Variants in CSMD3 observed in about 807,000 individuals in gnomAD.
CSMD3 encodes CUB and sushi domain-containing protein 3.
Under a neutral mutation model 435.2 loss-of-function variants are expected in CSMD3, and 177 were observed. That is an observed-to-expected ratio of 0.41 (90% CI 0.36 to 0.46). The LOEUF is 0.46. CSMD3 is among the 20% of genes least tolerant of loss of function. CSMD3 has a pLI of 0.34. For synonymous variants in CSMD3, 1,656 were observed against 1,520.5 expected (o/e 1.09, Z -2.07); for missense variants, 4,265 against 4,504.6 (o/e 0.95, Z 1.52).
Position 112,408,432 on chromosome 8 carries a change from A to G in CSMD3, c.5510-19T>C. The G allele has an allele frequency of 1.4e-6, 2 of 1,393,352 alleles. No homozygotes were observed. Among genetic ancestry groups the G allele is most frequent in the Non-Finnish European group, 2.0e-6 (2 of 979,608 alleles). The allele number at this position is 1,393,352 out of a possible 1,614,324, so 86.3% of individuals were successfully genotyped here. A position where few individuals can be genotyped will look rare whatever the true frequency, so the allele number is the denominator to read the frequency against. ...GATTCTCCTACTCAACAAAACAAAC[A>G]CTAAGATATCATAAATAATTTTCAT... On this transcript the variant is annotated intron_variant, in intron 33 of 70. Coordinates refer to ENST00000297405, the MANE Select transcript of CSMD3 (RefSeq NM_198123.2).
chr8:113,070,226 A>G (rs943887497), intron 5 of CSMD3, among the ~76,000 whole-genome samples: 1 of 152,098 alleles, frequency 6.6e-6, no homozygotes, highest in East Asian at 1.9e-4. Flanking sequence ...AAAATCAGTG[A>G]CTTGTACATA....
intron 66 of CSMD3, among the ~76,000 whole-genome samples, chr8:112,239,878 T>C (rs1218525936): frequency 1.3e-5 from 2 of 152,048 alleles, no homozygotes; most frequent in East Asian, 3.9e-4. Flanking sequence ...CGGTTGCCTG[T>C]TTTTATTATT....
At chr8:112,337,124 T>C (rs1824651327) in intron 43 of CSMD3, among the ~76,000 whole-genome samples, 1 of 152,176 alleles carries the variant, frequency 6.6e-6, no homozygotes, top group Non-Finnish European at 1.5e-5. Context: ...AGACTTTAAC[T>C]TTCATTTGCC....
At chr8:113,115,642 C>T (rs1312428561) in intron 4 of CSMD3, among the ~76,000 whole-genome samples, 1 of 152,122 alleles carries the variant, frequency 6.6e-6, no homozygotes, top group Non-Finnish European at 1.5e-5. Context: ...TATTAATTTT[C>T]ACTGTTTGAC....
chr8:113,417,785 G>C (rs1178926497), intron 1 of CSMD3, among the ~76,000 whole-genome samples: 1 of 151,840 alleles, frequency 6.6e-6, no homozygotes, highest in Admixed American at 6.6e-5. Context: ...ACAAGCTAAA[G>C]GAAATTAGAA....
chr8:112,787,812 G>C (rs1426200085), intron 13 of CSMD3, among the ~76,000 whole-genome samples: 1 of 152,118 alleles, frequency 6.6e-6, no homozygotes, highest in African/African-American at 2.4e-5. Flanking sequence ...GTGGTCGGGA[G>C]AGGAGGTATG....
chr8:113,066,434 A>C (rs917571326), intron 5 of CSMD3, among the ~76,000 whole-genome samples: 1 of 152,144 alleles, frequency 6.6e-6, no homozygotes, highest in Non-Finnish European at 1.5e-5. Flanking sequence ...GAATGATTAG[A>C]TCGACTACCT....
intron 3 of CSMD3, among the ~76,000 whole-genome samples, chr8:113,232,069 C>T (rs1440928440): frequency 6.6e-6 from 1 of 151,120 alleles, no homozygotes; most frequent in African/African-American, 2.4e-5. Context: ...GAATTTATAC[C>T]CTTGAAATTT....
intron 13 of CSMD3, among the ~76,000 whole-genome samples, chr8:112,722,890 T>C (rs2076888721): frequency 6.6e-6 from 1 of 152,122 alleles, no homozygotes; most frequent in African/African-American, 2.4e-5. Flanking sequence ...AGATCAAAAA[T>C]CACAAAATAT....
chr8:112,563,875 T>C (rs1828849034), intron 24 of CSMD3, among the ~76,000 whole-genome samples: 1 of 152,004 alleles, frequency 6.6e-6, no homozygotes, highest in South Asian at 2.1e-4. Context: ...TTTCTTTCCA[T>C]GTCCGATGGG....
intron 11 of CSMD3, among the ~76,000 whole-genome samples, chr8:112,852,149 C>T (rs1564025034): frequency 6.6e-6 from 1 of 152,036 alleles, no homozygotes; most frequent in South Asian, 2.1e-4. Context: ...AAGATCCCAA[C>T]CTAACAATGA....
chr8:112,417,362 T>C (rs1456823833), intron 32 of CSMD3, among the ~76,000 whole-genome samples: 1 of 152,180 alleles, frequency 6.6e-6, no homozygotes, highest in Non-Finnish European at 1.5e-5. Flanking sequence ...CCTCCTAGGA[T>C]TGATGTGAAT....
At chr8:112,507,243 T>C (rs1586551589) in intron 28 of CSMD3, among the ~76,000 whole-genome samples, 2 of 152,206 alleles carry the variant, frequency 1.3e-5, no homozygotes, top group African/African-American at 4.8e-5. Flanking sequence ...ATATAGCTTA[T>C]TTTCATGTCT....
At chr8:112,511,421 G>A (rs550645281) in intron 28 of CSMD3, among the ~76,000 whole-genome samples, 1 of 124,370 alleles carries the variant, frequency 8.0e-6, no homozygotes, top group Non-Finnish European at 1.6e-5. Context: ...ATGGAGTCTC[G>A]CTCTGTTGCC....
intron 35 of CSMD3, among the ~76,000 whole-genome samples, chr8:112,392,605 ATACTT>A (rs1447153652): frequency 2.0e-5 from 3 of 151,848 alleles, no homozygotes; most frequent in East Asian, 1.9e-4. Context: ...TGAAAAAAAA[ATACTT>A]TATAGATGCT....
chr8:112,230,069 G>A (rs1178445052), intron 69 of CSMD3, among the ~76,000 whole-genome samples: 3 of 152,244 alleles, frequency 2.0e-5, no homozygotes, highest in South Asian at 2.1e-4. Flanking sequence ...GATGGCATTC[G>A]CAGAGTTAGG....
At chr8:112,783,729 A>G (rs577450127) in intron 13 of CSMD3, among the ~76,000 whole-genome samples, 20 of 152,190 alleles carry the variant, frequency 1.3e-4, no homozygotes, top group Non-Finnish European at 2.8e-4. Context: ...ACATGGACTG[A>G]AAATACATGG....
At chr8:112,807,717 C>A (rs963643471) in intron 12 of CSMD3, among the ~76,000 whole-genome samples, 3 of 152,072 alleles carry the variant, frequency 2.0e-5, no homozygotes, top group Admixed American at 6.6e-5. Flanking sequence ...CAGAATGACA[C>A]AATTTTTAAT....
chr8:113,115,255 G>A (rs546924969), intron 4 of CSMD3, among the ~76,000 whole-genome samples: 9 of 152,320 alleles, frequency 5.9e-5, no homozygotes, highest in African/African-American at 2.2e-4. Flanking sequence ...TACATTAGCT[G>A]ACTAGGAGAA....
Sources: gnomAD v4.1 joint callset for allele counts (sites outside exome capture counted in the v4.1 genomes callset) on GRCh38, gnomAD v4.1.1 for gene constraint, MANE v1.5 for transcripts, NCBI Gene and HGNC (gene_info 2026-07-23, HGNC 2026-07-21) for gene names.